Variants in CDC42SE2 observed in about 807,000 individuals in gnomAD.
CDC42SE2 encodes the protein CDC42 small effector protein 2.
A neutral mutation model predicts 11.5 loss-of-function variants in CDC42SE2; 3 were observed. That is an observed-to-expected ratio of 0.26 (90% CI 0.12 to 0.67). The LOEUF is 0.67. Among genes scored for constraint, CDC42SE2 ranks in the 30% least tolerant of loss-of-function variants. The pLI is 0.80. For missense variants in CDC42SE2, 82 were observed against 106.8 expected (o/e 0.77, Z 1.02); for synonymous variants, 33 against 34.8 (o/e 0.95, Z 0.18).
intron 1 of CDC42SE2, among the ~76,000 whole-genome samples, chr5:131,283,767 A>G (rs1453772065): frequency 6.6e-6 from 1 of 152,192 alleles, no homozygotes. Flanking sequence ...TGCTGGGATT[A>G]CAGGTGTGAG....
upstream of CDC42SE2, among the ~76,000 whole-genome samples, chr5:131,262,649 G>T (rs148237894): frequency 2.0e-5 from 3 of 152,190 alleles, no homozygotes; most frequent in East Asian, 5.8e-4. Context: ...AATCCTCTCA[G>T]GTCTCTAATA....
At chr5:131,376,953 T>C (rs1750172401) in intron 3 of CDC42SE2, among the ~76,000 whole-genome samples, 1 of 152,198 alleles carries the variant, frequency 6.6e-6, no homozygotes, top group Non-Finnish European at 1.5e-5. Flanking sequence ...GATGAACATA[T>C]GTGTACATGT....
chr5:131,242,732 A>G (rs1732953930), upstream of CDC42SE2, among the ~76,000 whole-genome samples: 2 of 152,146 alleles, frequency 1.3e-5, no homozygotes, highest in South Asian at 2.1e-4. Context: ...TTAGGTGGCT[A>G]TGTTGGTCTA....
At chr5:131,367,141 A>G (rs1312347537) in intron 3 of CDC42SE2, among the ~76,000 whole-genome samples, 5 of 151,092 alleles carry the variant, frequency 3.3e-5, no homozygotes, top group African/African-American at 1.2e-4. Context: ...ATATGTGTGT[A>G]TATATATATC....
intron 2 of CDC42SE2, among the ~76,000 whole-genome samples, chr5:131,356,012 A>T (rs148371909): frequency 6.6e-6 from 1 of 152,334 alleles, no homozygotes; most frequent in East Asian, 1.9e-4. Flanking sequence ...GAAGCTCACT[A>T]GCTAAGTCGC....
chr5:131,225,626 G>C, the CDC42SE2 span, among the ~76,000 whole-genome samples: 1 of 152,160 alleles, frequency 6.6e-6, no homozygotes, highest in Non-Finnish European at 1.5e-5. Context: ...TTCCGCCAAG[G>C]CTCCTTTGCT....
chr5:131,216,513 AAAAAAAAAAC>A, the CDC42SE2 span, among the ~76,000 whole-genome samples: 12 of 148,148 alleles, frequency 8.1e-5, no homozygotes, highest in African/African-American at 2.8e-4. Context: ...AAAAAAAAAA[AAAAAAAAAAC>A]ATTATAGACT....
At chr5:131,263,457 G>T (rs983989325), upstream of CDC42SE2, among the ~76,000 whole-genome samples, 1 of 152,202 alleles carries the variant, frequency 6.6e-6, no homozygotes, top group South Asian at 2.1e-4. Context: ...AGGAATCACA[G>T]AAGTCTAGTA....
rs1279281896 is a variant in CDC42SE2 at position 131,308,448 on chromosome 5, G to T, written c.-454-7528G>T. On this transcript the variant is annotated intron_variant, in intron 1 of 4. Transcript: ENST00000505065. ...TGCAGGCTCTTTTTTGGTTCCATAT[G>T]AACTTGAAAGTAGTTTTTTCCAATT... Among the ~76,000 whole-genome samples the T allele has an allele frequency of 1.3e-4, 20 of 152,138 alleles. 1 individual carries two copies. In the South Asian group the frequency reaches 3.7e-3, roughly 28 times the overall value.
At position 131,309,683 on chromosome 5, in the gene CDC42SE2, A is replaced by T. The variant is rs1370159683; in HGVS notation, c.-454-6293A>T. Among the ~76,000 whole-genome samples, 17 of 150,450 alleles carry T rather than the reference A, an allele frequency of 1.1e-4. No homozygotes were observed. The East Asian group carries it at 2.5e-3, about 22-fold the overall frequency. On this transcript the variant is annotated intron_variant, in intron 1 of 4. Transcript: ENST00000505065. ...TCCTGGTTTAGTCTTGGGAGAGTGT[A>T]TGTGTCCAGGAATTTATCCATTTCT...
intron 2 of CDC42SE2, among the ~76,000 whole-genome samples, chr5:131,356,546 G>A (rs922144628): frequency 5.3e-5 from 8 of 152,162 alleles, no homozygotes; most frequent in Admixed American, 3.9e-4. Context: ...AAAAATCCAT[G>A]GAATTGCAAA....
the CDC42SE2 span, among the ~76,000 whole-genome samples, chr5:131,230,219 C>T: frequency 1.3e-5 from 2 of 152,130 alleles, no homozygotes; most frequent in Non-Finnish European, 2.9e-5. Context: ...GAATCTAAGG[C>T]TTCCAGTACA....
intron 1 of CDC42SE2, among the ~76,000 whole-genome samples, chr5:131,275,420 C>G (rs1301911711): frequency 6.6e-6 from 1 of 151,966 alleles, no homozygotes; most frequent in Non-Finnish European, 1.5e-5. Flanking sequence ...CCTCAGCCTC[C>G]CAAGTAGCTG....
chr5:131,393,466 C>CAGTT lies in CDC42SE2; in HGVS notation c.*2376_*2379dup, dbSNP rs540678248. On this transcript the variant is annotated 3_prime_UTR_variant, in exon 5 of 5. Coordinates refer to ENST00000505065, the MANE Select transcript of CDC42SE2 (RefSeq NM_001375635.1). Reference sequence around the variant, plus strand: ...TTGCATCTTCGGAGTAGACATTTTGCAGTTTGTTTAATAACAACTTCTAAA... The same window carrying CAGTT: ...TTGCATCTTCGGAGTAGACATTTTGCAGTTAGTTTGTTTAATAACAACTTCTAAA... The CAGTT allele has an allele frequency of 4.6e-5, 7 of 152,454 alleles. No homozygotes were observed. In the South Asian group the frequency reaches 1.2e-3, roughly 27 times the overall value. The allele number at this position is 152,454 out of a possible 1,614,324, so 9.4% of individuals were successfully genotyped here.
upstream of CDC42SE2, chr5:131,264,014 G>GA (rs1756794766): frequency 6.6e-6 from 1 of 151,610 alleles, no homozygotes; most frequent in African/African-American, 2.4e-5. Context: ...CTCTCGCTCC[G>GA]CCCAACCCGC....
At chr5:131,280,372 T>G (rs1256224359) in intron 1 of CDC42SE2, among the ~76,000 whole-genome samples, 1 of 152,222 alleles carries the variant, frequency 6.6e-6, no homozygotes, top group African/African-American at 2.4e-5. Context: ...TATGAATATA[T>G]GTTTTTTCAC....
At chr5:131,236,365 C>T in the CDC42SE2 span, among the ~76,000 whole-genome samples, 3 of 152,072 alleles carry the variant, frequency 2.0e-5, no homozygotes, top group South Asian at 2.1e-4. Context: ...TTTAAATCTT[C>T]GATCCACTTA....
chr5:131,274,878 G>A (rs146488616), intron 1 of CDC42SE2, among the ~76,000 whole-genome samples: 397 of 152,168 alleles, frequency 2.6e-3, no homozygotes, highest in Non-Finnish European at 3.6e-3. Context: ...GCACATAATG[G>A]GGACTCAACA....
At chr5:131,243,447 G>A (rs1174585115), upstream of CDC42SE2, among the ~76,000 whole-genome samples, 7 of 152,112 alleles carry the variant, frequency 4.6e-5, no homozygotes, top group East Asian at 3.9e-4. Flanking sequence ...TTAGCCGGGC[G>A]TGGTGGTGGG....
Sources: allele counts gnomAD v4.1 joint callset (sites outside exome capture counted in the v4.1 genomes callset), GRCh38; gene constraint gnomAD v4.1.1; transcripts MANE v1.5; gene names NCBI Gene and HGNC (gene_info 2026-07-23, HGNC 2026-07-21).